SIPA1L3: variants seen among roughly 807,000 people sequenced by gnomAD.
The protein encoded by SIPA1L3 is signal induced proliferation associated 1 like 3.
SIPA1L3 carries 59 observed loss-of-function variants against 150.1 expected under a neutral mutation model. The ratio of observed to expected loss-of-function variants is 0.39; its 90% CI spans 0.32 to 0.49. SIPA1L3 has a LOEUF of 0.49. SIPA1L3 is among the 20% of genes least tolerant of loss of function. SIPA1L3 has a pLI of 0.86. For missense variants in SIPA1L3, 2,211 were observed against 2,489.5 expected (o/e 0.89, Z 2.38); for synonymous variants, 1,070 against 1,077.6 (o/e 0.99, Z 0.14).
At chr19:37,957,861 A>G (rs941128782) in intron 1 of SIPA1L3, among the ~76,000 whole-genome samples, 1 of 150,464 alleles carries the variant, frequency 6.6e-6, no homozygotes, top group African/African-American at 2.5e-5. Flanking sequence ...ATAGGCATGC[A>G]TCACCATGCC....
rs1353820467 is a variant in SIPA1L3, at chr19:38,047,729, A to C, written c.-311+18573A>C. Among the ~76,000 whole-genome samples, 1 of 152,204 alleles carries C rather than the reference A, an allele frequency of 6.6e-6. No homozygotes were observed. Among genetic ancestry groups the C allele is most frequent in the Non-Finnish European group, 1.5e-5 (1 of 68,038 alleles). ...GAGGGATGTGACACCGCAGCCAGCC[A>C]GGTCTCCTCATGGAGGGCCTCGGAC... On this transcript the variant is annotated intron_variant, in intron 2 of 21. Transcript: ENST00000222345. The surrounding 1 kb of genome is among the most constrained non-coding windows in gnomAD (Gnocchi z 4.7).
rs1389950911 is a variant in SIPA1L3, at chr19:38,162,362, G to T, written c.3771G>T (p.Arg1257Ser). The change falls in exon 14 of 22, where the codon AGG (arginine) becomes AGT (serine). Residue 1257 changes from arginine to serine, a missense_variant. Physicochemically the swap from Arg to Ser is moderately radical, Grantham distance 110. Transcript: ENST00000222345. The part of the protein sequence containing the change: ...QDAAGKDSPN[R>S]HSKGEPQYSS... ...CAGCAGGCAAAGATTCCCCCAACAG[G>T]CATTCCAAAGTGAGTCTGGGCCCCA... The T allele has an allele frequency of 1.9e-6, 3 of 1,613,616 alleles. No individual in the cohort carries two copies. The highest frequency in any genetic ancestry group is 2.5e-6 in the Non-Finnish European group (3 of 1,179,542).
chr19:38,181,705 G>A (rs1972556932), intron 15 of SIPA1L3, among the ~76,000 whole-genome samples: 2 of 151,938 alleles, frequency 1.3e-5, no homozygotes, highest in South Asian at 2.1e-4. Flanking sequence ...ACTTAGCTGG[G>A]CGTGGTGGCA....
At chr19:38,123,407 C>CT (rs1971074496) in intron 9 of SIPA1L3, among the ~76,000 whole-genome samples, 1 of 149,606 alleles carries the variant, frequency 6.7e-6, no homozygotes, top group Non-Finnish European at 1.5e-5. Flanking sequence ...GCAGAGGACC[C>CT]TGCGGCCTTC....
chr19:37,952,278 T>C (rs552901557), intron 1 of SIPA1L3, among the ~76,000 whole-genome samples: 21 of 152,182 alleles, frequency 1.4e-4, no homozygotes, highest in Non-Finnish European at 2.4e-4. Context: ...TTGGCCCTTT[T>C]TCCCCTCAAG....
intron 11 of SIPA1L3, among the ~76,000 whole-genome samples, chr19:38,141,680 C>G (rs1017690082): frequency 6.6e-6 from 1 of 152,170 alleles, no homozygotes; most frequent in African/African-American, 2.4e-5. Flanking sequence ...ACTAAGTAGA[C>G]GACTGAAGCT....
chr19:38,134,691 C>T (rs1033167772), intron 10 of SIPA1L3, among the ~76,000 whole-genome samples: 2 of 116,780 alleles, frequency 1.7e-5, no homozygotes, highest in Admixed American at 2.5e-4. Flanking sequence ...GATGACAGAG[C>T]GAGACTCTGT....
intron 2 of SIPA1L3, among the ~76,000 whole-genome samples, chr19:38,061,586 G>A: frequency 6.6e-6 from 1 of 152,034 alleles, no homozygotes; most frequent in East Asian, 1.9e-4. Context: ...GTGTGCAAGA[G>A]ATATAGAGAA....
intron 1 of SIPA1L3, among the ~76,000 whole-genome samples, chr19:37,954,204 G>C (rs1228060957): frequency 6.6e-6 from 1 of 152,028 alleles, no homozygotes; most frequent in Non-Finnish European, 1.5e-5. Flanking sequence ...CCTGAAAAAT[G>C]TTCCCTTTGA....
intron 1 of SIPA1L3, among the ~76,000 whole-genome samples, chr19:37,978,867 C>T (rs1238610053): frequency 2.0e-5 from 3 of 151,674 alleles, no homozygotes; most frequent in Admixed American, 2.0e-4. Flanking sequence ...CCCAGTCACT[C>T]GGGAGGCTGA....
intron 9 of SIPA1L3, among the ~76,000 whole-genome samples, chr19:38,129,111 G>A (rs1971249770): frequency 6.6e-6 from 1 of 152,112 alleles, no homozygotes; most frequent in Non-Finnish European, 1.5e-5. Context: ...CATTCATCTT[G>A]TTTTTATCCC....
At chr19:38,109,995 C>A (rs923373477) in intron 7 of SIPA1L3, 6 of 502,060 alleles carry the variant, frequency 1.2e-5, no homozygotes, top group Admixed American at 3.2e-5. Context: ...GAGGGAACAG[C>A]GGTGCAGAGG....
rs184582358 is a variant in SIPA1L3, at chr19:38,205,406, G to A, written c.5203-691G>A. On this transcript the variant is annotated intron_variant, in intron 21 of 21. Coordinates refer to ENST00000222345, the MANE Select transcript of SIPA1L3 (RefSeq NM_015073.3). ...CAGGAGGCGGAGATTGCAGTGAGCCGAGATCATGCCTCTGCACTCCAGCTT... is the reference window on the plus strand; with the variant it reads ...CAGGAGGCGGAGATTGCAGTGAGCCAAGATCATGCCTCTGCACTCCAGCTT... 3.8e-4 allele frequency among the ~76,000 whole-genome samples: 55 copies of A among 146,062 alleles called. 1 individual carries two copies. The highest frequency in any genetic ancestry group is 1.3e-3 in the Admixed American group (19 of 14,324).
At chr19:37,962,776 G>T (rs2046871124) in intron 1 of SIPA1L3, among the ~76,000 whole-genome samples, 1 of 152,140 alleles carries the variant, frequency 6.6e-6, no homozygotes, top group Non-Finnish European at 1.5e-5. Context: ...ACAAGCGTGA[G>T]CCACCTCACC....
intron 1 of SIPA1L3, among the ~76,000 whole-genome samples, chr19:37,996,012 T>C (rs1263467278): frequency 6.6e-6 from 1 of 152,160 alleles, no homozygotes; most frequent in East Asian, 1.9e-4. Context: ...ACTCCTGGCC[T>C]CAAGCAGTCT....
chr19:37,918,458 C>G (rs1390331298), intron 1 of SIPA1L3, among the ~76,000 whole-genome samples: 1 of 151,890 alleles, frequency 6.6e-6, no homozygotes, highest in Non-Finnish European at 1.5e-5. Flanking sequence ...TGGGGTTTCA[C>G]CATGTTGGCC....
chr19:38,127,213 C>A lies in SIPA1L3; in HGVS notation c.2869-3285C>A, dbSNP rs189268048. On this transcript the variant is annotated intron_variant, in intron 9 of 21. Coordinates refer to ENST00000222345, the MANE Select transcript of SIPA1L3 (RefSeq NM_015073.3). ...GTCTCAAAAAAAAGAGAACCCCAGT[C>A]TTCATTACCATCTACAATAGTTACT... Among the ~76,000 whole-genome samples, 169 of 152,284 alleles carry A rather than the reference C, an allele frequency of 1.1e-3. 1 individual carries two copies. Among genetic ancestry groups the A allele is most frequent in the African/African-American group, 3.4e-3 (140 of 41,594 alleles).
chr19:38,049,959 G>A (rs1203629788), intron 2 of SIPA1L3, among the ~76,000 whole-genome samples: 1 of 152,082 alleles, frequency 6.6e-6, no homozygotes, highest in Non-Finnish European at 1.5e-5. Flanking sequence ...CCCTTTCCAA[G>A]AGAGGCCCAG....
chr19:37,939,440 A>C (rs906313306), intron 1 of SIPA1L3, among the ~76,000 whole-genome samples: 1 of 151,636 alleles, frequency 6.6e-6, no homozygotes, highest in African/African-American at 2.4e-5. Context: ...TCAACCGCAT[A>C]TAATTTAGTT....
Sources: gnomAD v4.1 joint callset for allele counts (sites outside exome capture counted in the v4.1 genomes callset) on GRCh38, gnomAD v4.1.1 for gene constraint, Gnocchi (gnomAD v3.1) non-coding constraint, MANE v1.5 for transcripts, NCBI Gene and HGNC (gene_info 2026-07-23, HGNC 2026-07-21) for gene names.